Variants in SETDB2 observed in about 807,000 individuals in gnomAD.
SETDB2 encodes the protein SET domain bifurcated histone lysine methyltransferase 2.
SETDB2 carries 56 observed loss-of-function variants against 82.5 expected under a neutral mutation model. That is an observed-to-expected ratio of 0.68 (90% CI 0.55 to 0.85). SETDB2 has a LOEUF of 0.85. Among genes scored for constraint, SETDB2 ranks in the 40% least tolerant of loss-of-function variants. The pLI, the probability that SETDB2 is intolerant of heterozygous loss-of-function variation, is 0.00. For synonymous variants in SETDB2, 272 were observed against 284.9 expected (o/e 0.95, Z 0.46); for missense variants, 677 against 816.4 (o/e 0.83, Z 2.08).
Position 49,483,497 on chromosome 13 carries a change from A to C in SETDB2, c.1416A>C (p.Gln472His), listed in dbSNP as rs11619265. Residue 472 changes from glutamine to histidine, a missense_variant, in exon 10 of 14, where the codon CAA (glutamine) becomes CAC (histidine). Physicochemically the swap from Gln to His is conservative, Grantham distance 24. Coordinates refer to ENST00000611815, the MANE Select transcript of SETDB2 (RefSeq NM_001160308.3). ...AATATGATAATATTTCAAGAATTCA[A>C]TATCATTCAGTTATTAGAGATCCTG... ...ETKYDNISRI[Q>H]YHSVIRDPES... 9 of 1,447,630 alleles carry C rather than the reference A, an allele frequency of 6.2e-6. No individual in the cohort carries two copies. The East Asian group carries it at 2.3e-4, about 36-fold the overall frequency. The allele number at this position is 1,447,630 out of a possible 1,614,324, so 89.7% of individuals were successfully genotyped here.
At chr13:49,490,988 C>T (rs911876637) in intron 13 of SETDB2, 78 bp downstream of exon 13, 99 of 1,176,456 alleles carry the variant, frequency 8.4e-5, no homozygotes, top group Admixed American at 4.0e-4. Flanking sequence ...TGCTGTGGCT[C>T]ATACCTGTAA....
At position 49,476,908 on chromosome 13, in the gene SETDB2, T is replaced by C. The variant is rs772786818; in HGVS notation, c.738T>C (p.Cys246=). Residue 246 remains cysteine, a synonymous_variant, in exon 6 of 14, where the codon TGT becomes TGC. Coordinates refer to ENST00000611815, the MANE Select transcript of SETDB2 (RefSeq NM_001160308.3). ...TGGAATCAGTGCCCATTTCTTTCTG[T>C]AATGAAATTGACAGTAGAAAGCTCC... is the stretch of plus-strand genomic sequence containing the variant. ...NGVESVPISF[C]NEIDSRKLPQ... 6.2e-7 allele frequency: 1 copy of C among 1,614,202 alleles called. No homozygotes were observed. The highest frequency in any genetic ancestry group is 8.5e-7 in the Non-Finnish European group (1 of 1,180,024).
intron 2 of SETDB2, among the ~76,000 whole-genome samples, chr13:49,455,788 A>G (rs1433224628): frequency 7.2e-6 from 1 of 138,134 alleles, no homozygotes; most frequent in Non-Finnish European, 1.5e-5. Flanking sequence ...AAAAAAACAA[A>G]AAAAAACTAG....
chr13:49,461,313 G>C (rs1024206560), intron 4 of SETDB2, 151 bp downstream of exon 4: 3 of 559,854 alleles, frequency 5.4e-6, no homozygotes, highest in African/African-American at 3.8e-5. Context: ...AGTTTCCTCT[G>C]TTAAATGAAA....
intron 3 of SETDB2, 30 bp downstream of exon 3, chr13:49,460,262 TTAA>T: frequency 6.2e-7 from 1 of 1,601,654 alleles, no homozygotes; most frequent in Non-Finnish European, 8.5e-7. Flanking sequence ...TTGAATATGT[TTAA>T]TACTAAATAT....
intron 5 of SETDB2, among the ~76,000 whole-genome samples, chr13:49,468,660 TA>T (rs1348114537): frequency 1.5e-5 from 2 of 135,256 alleles, no homozygotes; most frequent in Non-Finnish European, 3.2e-5. Context: ...TTAAATTGAC[TA>T]AGAAAAACTA....
At chr13:49,474,453 T>G (rs867020591) in intron 5 of SETDB2, among the ~76,000 whole-genome samples, 2 of 152,222 alleles carry the variant, frequency 1.3e-5, no homozygotes, top group Non-Finnish European at 2.9e-5. Context: ...CCCATTTGCC[T>G]TGTGACCTAG....
At chr13:49,480,131 A>C in intron 6 of SETDB2, 88 bp from the exon 7 acceptor site, 1 of 819,544 alleles carries the variant, frequency 1.2e-6, no homozygotes, top group Admixed American at 2.5e-5. Flanking sequence ...TACATCTTTT[A>C]TTACATCATT....
chr13:49,464,178 T>C, intron 4 of SETDB2: 2 of 697,126 alleles, frequency 2.9e-6, no homozygotes, highest in Non-Finnish European at 5.3e-6. Context: ...GAAAGATTTG[T>C]AACAGTGTCT....
intron 4 of SETDB2, among the ~76,000 whole-genome samples, chr13:49,461,702 A>G (rs1957996537): frequency 6.6e-6 from 1 of 152,180 alleles, no homozygotes; most frequent in African/African-American, 2.4e-5. Flanking sequence ...GTGGACACCA[A>G]TGGATGTTGT....
At chr13:49,478,625 A>G (rs910014647) in intron 6 of SETDB2, among the ~76,000 whole-genome samples, 6 of 152,310 alleles carry the variant, frequency 3.9e-5, no homozygotes, top group African/African-American at 1.4e-4. Flanking sequence ...TAAAACAGGT[A>G]TAATTAAACT....
At chr13:49,457,720 A>T (rs986313021) in intron 2 of SETDB2, among the ~76,000 whole-genome samples, 2 of 152,114 alleles carry the variant, frequency 1.3e-5, no homozygotes, top group Admixed American at 1.3e-4. Flanking sequence ...CACCACACCT[A>T]GCCTCTAAAA....
intron 11 of SETDB2, 36 bp downstream of exon 11, chr13:49,485,759 C>A: frequency 2.0e-6 from 3 of 1,491,222 alleles, no homozygotes; most frequent in Non-Finnish European, 2.8e-6. Context: ...CCTACCTCTT[C>A]TGCCTGTTTC....
intron 2 of SETDB2, among the ~76,000 whole-genome samples, chr13:49,456,100 T>TAAATA (rs974496781): frequency 6.6e-6 from 1 of 152,122 alleles, no homozygotes; most frequent in African/African-American, 2.4e-5. Context: ...AGTTTGTCCT[T>TAAATA]GTGTATTCTC....
intron 2 of SETDB2, 124 bp from the exon 3 acceptor site, chr13:49,459,983 A>G (rs1424143461): frequency 3.3e-6 from 3 of 910,198 alleles, no homozygotes; most frequent in Admixed American, 5.9e-5. Context: ...CCTCAAGGAA[A>G]ATGATAGACC....
intron 4 of SETDB2, 98 bp from the exon 5 acceptor site, chr13:49,467,766 T>C (rs1000365556): frequency 1.2e-5 from 9 of 768,274 alleles, no homozygotes; most frequent in South Asian, 8.1e-5. Flanking sequence ...TAGGGATCCA[T>C]ATGGGCAGAC....
Position 49,490,887 on chromosome 13 carries a change from A to T in SETDB2, c.1983A>T (p.Pro661=). 1.2e-6 allele frequency: 2 copies of T among 1,613,416 alleles called. No homozygotes were observed. The highest frequency in any genetic ancestry group is 1.7e-6 in the Non-Finnish European group (2 of 1,179,546). The part of the protein sequence containing the change: ...VFVETHNRNF[P]LVAFFTNRYV... The stretch of plus-strand genomic sequence containing the variant: ...TAGAAACACACAACAGGAATTTTCC[A>T]TTGGTGGCATTCTTCACCAACAGGT... The change falls in exon 13 of 14, where the codon CCA becomes CCT. Residue 661 remains proline (P), a synonymous_variant. Transcript: ENST00000611815.
At chr13:49,445,144 C>G (rs41284778) in intron 1 of SETDB2, among the ~76,000 whole-genome samples, 6,476 of 152,242 alleles carry the variant, frequency 0.043, 215 homozygotes, top group East Asian at 0.16. Context: ...TATTTCGTGT[C>G]TGCCACTTAC....
At chr13:49,484,584 G>T (rs1475411710) in intron 10 of SETDB2, among the ~76,000 whole-genome samples, 1 of 152,118 alleles carries the variant, frequency 6.6e-6, no homozygotes, top group South Asian at 2.1e-4. Context: ...GTTTTAAGAT[G>T]TATGAGAAAG....
Sources: gnomAD v4.1 joint callset for allele counts (sites outside exome capture counted in the v4.1 genomes callset) on GRCh38, gnomAD v4.1.1 for gene constraint, MANE v1.5 for transcripts, NCBI Gene and HGNC (gene_info 2026-07-23, HGNC 2026-07-21) for gene names.